ARHGAP15: variants seen among roughly 807,000 people sequenced by gnomAD.
The protein encoded by ARHGAP15 is rho GTPase-activating protein 15.
Under a neutral mutation model 63.7 loss-of-function variants are expected in ARHGAP15, and 51 were observed. That is an observed-to-expected ratio of 0.80 (90% CI 0.64 to 1.01). The LOEUF is 1.01. Ranked by LOEUF, ARHGAP15 falls within the 50% of genes least tolerant of loss-of-function variation. The pLI, the probability that ARHGAP15 is intolerant of heterozygous loss-of-function variation, is 0.00. For synonymous variants in ARHGAP15, 191 were observed against 193.8 expected, an observed-to-expected ratio of 0.99 and a Z score of 0.12; for missense variants, 560 against 564.6, an observed-to-expected ratio of 0.99 and a Z score of 0.08.
At chr2:143,378,617 G>A (rs560540049) in intron 6 of ARHGAP15, among the ~76,000 whole-genome samples, 1 of 152,152 alleles carries the variant, frequency 6.6e-6, no homozygotes, top group South Asian at 2.1e-4. Flanking sequence ...ATTTTAGCCA[G>A]TTTTTTCCAA....
intron 12 of ARHGAP15, among the ~76,000 whole-genome samples, chr2:143,633,087 A>G (rs919731143): frequency 1.3e-5 from 2 of 152,186 alleles, no homozygotes; most frequent in Non-Finnish European, 2.9e-5. Flanking sequence ...GAAATTTGAA[A>G]TTGAAACAAA....
chr2:143,249,484 T>A (rs887248371), intron 5 of ARHGAP15, among the ~76,000 whole-genome samples: 2 of 152,140 alleles, frequency 1.3e-5, no homozygotes, highest in African/African-American at 4.8e-5. Context: ...GTTAAAAACA[T>A]TGGCTAAAAA....
In ARHGAP15 at chr2:143,596,486, G is replaced by A. The variant is rs564422400; in HGVS notation, c.1004-27647G>A. ...ACTCATAGTCTGCCTTTAAAATATA[G>A]CTGGGCAAGGAGGTCTTGTGTCACC... On this transcript the variant is annotated intron_variant, in intron 11 of 13. Coordinates refer to ENST00000295095, the MANE Select transcript of ARHGAP15 (RefSeq NM_018460.4). Among the ~76,000 whole-genome samples the A allele has an allele frequency of 7.2e-5, 11 of 152,160 alleles. No homozygotes were observed. The East Asian group carries it at 1.9e-3, about 27-fold the overall frequency.
chr2:143,370,631 C>T (rs1430377067), intron 6 of ARHGAP15, among the ~76,000 whole-genome samples: 1 of 152,098 alleles, frequency 6.6e-6, no homozygotes, highest in Non-Finnish European at 1.5e-5. Flanking sequence ...TCTTCTACAT[C>T]GTTTCTAAAA....
chr2:143,244,261 T>C (rs1381215482), intron 5 of ARHGAP15, among the ~76,000 whole-genome samples: 1 of 149,770 alleles, frequency 6.7e-6, no homozygotes, highest in East Asian at 1.9e-4. Context: ...CCCATTCTCT[T>C]ACTGGATAGC....
At chr2:143,729,834 A>C (rs1574901679) in intron 13 of ARHGAP15, among the ~76,000 whole-genome samples, 4 of 152,352 alleles carry the variant, frequency 2.6e-5, no homozygotes, top group South Asian at 2.1e-4. Flanking sequence ...TAGAAAGTAC[A>C]TGTTGAAAGT....
chr2:143,616,889 G>A (rs1698471482), intron 11 of ARHGAP15, among the ~76,000 whole-genome samples: 1 of 152,166 alleles, frequency 6.6e-6, no homozygotes, highest in Non-Finnish European at 1.5e-5. Context: ...CAGTTGATTG[G>A]ACTTGAGTTG....
intron 12 of ARHGAP15, among the ~76,000 whole-genome samples, chr2:143,686,519 A>G (rs1037335065): frequency 6.6e-6 from 1 of 151,882 alleles, no homozygotes; most frequent in Admixed American, 6.6e-5. Flanking sequence ...TCTATTTAAA[A>G]TATTTCCCAC....
chr2:143,674,983 C>T (rs183594980), intron 12 of ARHGAP15, among the ~76,000 whole-genome samples: 6 of 152,276 alleles, frequency 3.9e-5, no homozygotes, highest in Admixed American at 3.3e-4. Flanking sequence ...ATTGCTCTAG[C>T]GTGCAGTGCC....
chr2:143,654,810 A>C (rs747626821), intron 12 of ARHGAP15, among the ~76,000 whole-genome samples: 140 of 152,232 alleles, frequency 9.2e-4, no homozygotes, highest in Non-Finnish European at 1.4e-3. Context: ...TATGGAAATT[A>C]ATTATAAAGA....
chr2:143,750,104 T>C (rs1001420374), intron 13 of ARHGAP15, among the ~76,000 whole-genome samples: 2 of 152,216 alleles, frequency 1.3e-5, no homozygotes, highest in African/African-American at 4.8e-5. Flanking sequence ...TCCATGTTTA[T>C]AAAACAATTG....
At chr2:143,485,965 T>C (rs1692305796) in intron 8 of ARHGAP15, among the ~76,000 whole-genome samples, 1 of 152,184 alleles carries the variant, frequency 6.6e-6, no homozygotes, top group South Asian at 2.1e-4. Flanking sequence ...ATATTTTTCT[T>C]TTTCTGTCAT....
intron 6 of ARHGAP15, among the ~76,000 whole-genome samples, chr2:143,273,275 T>G (rs1681386531): frequency 6.6e-6 from 1 of 151,590 alleles, no homozygotes; most frequent in South Asian, 2.1e-4. Flanking sequence ...ACAAATTAGT[T>G]AAAAAAAAAT....
chr2:143,448,309 A>C (rs1690240889), intron 8 of ARHGAP15, among the ~76,000 whole-genome samples: 1 of 152,122 alleles, frequency 6.6e-6, no homozygotes, highest in African/African-American at 2.4e-5. Context: ...ACTATAAATA[A>C]TGGGAGCCTA....
At chr2:143,347,821 T>A (rs1006062704) in intron 6 of ARHGAP15, among the ~76,000 whole-genome samples, 4 of 152,102 alleles carry the variant, frequency 2.6e-5, no homozygotes, top group African/African-American at 9.6e-5. Context: ...GTGATTTTTT[T>A]TTTTTTTTTT....
intron 2 of ARHGAP15, among the ~76,000 whole-genome samples, chr2:143,188,656 T>TTA (rs1196071232): frequency 1.5e-5 from 2 of 137,556 alleles, no homozygotes; most frequent in East Asian, 2.1e-4. Flanking sequence ...TATTATTATT[T>TTA]GTCTCCCAAG....
intron 13 of ARHGAP15, among the ~76,000 whole-genome samples, chr2:143,749,419 T>C (rs76459730): frequency 6.6e-6 from 1 of 152,322 alleles, no homozygotes; most frequent in African/African-American, 2.4e-5. Context: ...CTCTCTCTCT[T>C]TATTCCATTC....
At chr2:143,142,071 T>G (rs546948355) in intron 1 of ARHGAP15, among the ~76,000 whole-genome samples, 3 of 152,132 alleles carry the variant, frequency 2.0e-5, no homozygotes, top group Admixed American at 6.6e-5. Context: ...AGAAGACATA[T>G]AGACATACTT....
intron 13 of ARHGAP15, among the ~76,000 whole-genome samples, chr2:143,755,780 G>A (rs1686553716): frequency 6.6e-6 from 1 of 152,070 alleles, no homozygotes; most frequent in Non-Finnish European, 1.5e-5. Context: ...AGATCAGCCT[G>A]ACCAACATGG....
Sources: allele counts gnomAD v4.1 joint callset (sites outside exome capture counted in the v4.1 genomes callset), GRCh38; gene constraint gnomAD v4.1.1; transcripts MANE v1.5; gene names NCBI Gene and HGNC (gene_info 2026-07-23, HGNC 2026-07-21).